The following TNIP3 variants were observed in gnomAD, a reference collection of about 807,000 sequenced individuals.
TNIP3 encodes TNFAIP3 interacting protein 3.
TNIP3 carries 34 observed loss-of-function variants against 54.1 expected under a neutral mutation model. That is an observed-to-expected ratio of 0.63 (90% CI 0.48 to 0.84). The LOEUF (loss-of-function observed/expected upper bound fraction) is 0.84. Ranked by LOEUF, TNIP3 falls within the 40% of genes least tolerant of loss-of-function variation. The probability of loss-of-function intolerance (pLI) is 0.00; values close to 1 mark genes in which losing one functional copy is unlikely to be tolerated. For synonymous variants in TNIP3, 134 were observed against 136.8 expected (o/e 0.98, Z 0.14); for missense variants, 366 against 387.6 (o/e 0.94, Z 0.47).
At chr4:121,213,738 A>C (rs1726615842) in intron 2 of TNIP3, among the ~76,000 whole-genome samples, 1 of 151,934 alleles carries the variant, frequency 6.6e-6, no homozygotes, top group African/African-American at 2.4e-5. Flanking sequence ...AAAAAAAAAA[A>C]AACAAAAAAA....
At chr4:121,162,129 T>C (rs1406971532) in intron 1 of TNIP3, among the ~76,000 whole-genome samples, 1 of 152,222 alleles carries the variant, frequency 6.6e-6, no homozygotes, top group Non-Finnish European at 1.5e-5. Flanking sequence ...AAGAAATATT[T>C]TCAAAACATG....
Position 121,161,174 on chromosome 4 carries a change from C to G in TNIP3, c.109G>C (p.Glu37Gln), listed in dbSNP as rs1162634517. The change falls in exon 2 of 11, where the codon GAA becomes CAA. Residue 37 changes from glutamate to glutamine, a missense_variant. By Grantham distance (29) the Glu-to-Gln change is conservative. Coordinates refer to ENST00000057513, the MANE Select transcript of TNIP3 (RefSeq NM_024873.6). ...STRKNLMNSL[E>Q]QKIRCLEKQR... ...TTTTCCAAACACCTTATCTTTTGTT[C>G]AAGAGAATTCATCAAGTTCTTTCTT... 3.2e-6 allele frequency: 5 copies of G among 1,586,522 alleles called. No individual in the cohort carries two copies. The highest frequency in any genetic ancestry group is 4.3e-6 in the Non-Finnish European group (5 of 1,163,640).
At chr4:121,205,631 C>G (rs1025423122) in intron 2 of TNIP3, among the ~76,000 whole-genome samples, 1 of 151,682 alleles carries the variant, frequency 6.6e-6, no homozygotes, top group Non-Finnish European at 1.5e-5. Flanking sequence ...GTGGTTTGGA[C>G]AGAATGGTAG....
intron 4 of TNIP3, 21 bp downstream of exon 4, chr4:121,157,073 G>A (rs745723821): frequency 1.9e-6 from 3 of 1,613,072 alleles, no homozygotes; most frequent in African/African-American, 1.3e-5. Flanking sequence ...CTCCGGGCTC[G>A]AGGACCCGGG....
chr4:121,214,316 A>G (rs1041151913), intron 2 of TNIP3, among the ~76,000 whole-genome samples: 6 of 152,262 alleles, frequency 3.9e-5, no homozygotes, highest in Non-Finnish European at 4.4e-5. Flanking sequence ...TTACTATTAA[A>G]GAACCTAACC....
At chr4:121,169,047 TC>T (rs577760967), upstream of TNIP3, among the ~76,000 whole-genome samples, 108 of 152,054 alleles carry the variant, frequency 7.1e-4, no homozygotes, top group African/African-American at 2.6e-3. Context: ...CACTCCCCCC[TC>T]CCCATTATTA....
At chr4:121,211,731 T>C (rs1726487984) in intron 2 of TNIP3, among the ~76,000 whole-genome samples, 1 of 152,230 alleles carries the variant, frequency 6.6e-6, no homozygotes, top group Admixed American at 6.5e-5. Context: ...AGGGTCTGTA[T>C]ATTGAATTAT....
upstream of TNIP3, among the ~76,000 whole-genome samples, chr4:121,168,273 C>CA (rs1730875123): frequency 6.6e-6 from 1 of 152,082 alleles, no homozygotes; most frequent in African/African-American, 2.4e-5. Flanking sequence ...GTGGCACAAT[C>CA]TCGCCTCACT....
chr4:121,164,879 G>T (rs78670187), upstream of TNIP3, among the ~76,000 whole-genome samples: 7,836 of 152,028 alleles, frequency 0.052, 317 homozygotes, highest in African/African-American at 0.11. Context: ...CTCATTTGAA[G>T]TGAAATCTTC....
chr4:121,171,078 A>G (rs527467952), intron 3 of TNIP3, among the ~76,000 whole-genome samples: 40 of 152,268 alleles, frequency 2.6e-4, no homozygotes, highest in African/African-American at 9.4e-4. Flanking sequence ...GGTCTCCCAA[A>G]GTGCTGAGAT....
intron 2 of TNIP3, among the ~76,000 whole-genome samples, chr4:121,203,315 G>T (rs113943102): frequency 6.6e-6 from 1 of 152,018 alleles, no homozygotes; most frequent in Admixed American, 6.6e-5. Context: ...AATGGCATTC[G>T]CAGCAGCCTG....
rs1032827677 is a variant in TNIP3 at position 121,181,090 on chromosome 4, C to A, written c.189+1586G>T. Among the ~76,000 whole-genome samples the A allele has an allele frequency of 2.0e-5, 3 of 152,120 alleles. No individual in the cohort carries two copies. The South Asian group carries it at 6.2e-4, about 32-fold the overall frequency. Reference sequence around the variant, plus strand: ...ATTTCAGTGAAGTCCCAAAAGGAGACATAACCTGTAGCTAAGAGGAAGGTA... The same window carrying A: ...ATTTCAGTGAAGTCCCAAAAGGAGAAATAACCTGTAGCTAAGAGGAAGGTA... On this transcript the variant is annotated intron_variant, in intron 3 of 12. Transcript: ENST00000507879.
chr4:121,181,206 G>T (rs941553199), intron 3 of TNIP3, among the ~76,000 whole-genome samples: 25 of 152,306 alleles, frequency 1.6e-4, no homozygotes, highest in African/African-American at 5.8e-4. Context: ...TGAGCAAATA[G>T]GTCTTAGAAG....
chr4:121,205,897 G>T (rs1215063968), intron 2 of TNIP3, among the ~76,000 whole-genome samples: 1 of 152,126 alleles, frequency 6.6e-6, no homozygotes, highest in Non-Finnish European at 1.5e-5. Flanking sequence ...GGCTGGAAAG[G>T]CCTCAGAAAA....
chr4:121,142,037 A>G, intron 8 of TNIP3, 123 bp from the exon 9 acceptor site: 1 of 551,988 alleles, frequency 1.8e-6, no homozygotes, highest in Non-Finnish European at 3.1e-6. Flanking sequence ...CATAATTATA[A>G]CTCAAAATAG....
At chr4:121,199,885 G>T (rs1399793387) in intron 2 of TNIP3, among the ~76,000 whole-genome samples, 1 of 152,200 alleles carries the variant, frequency 6.6e-6, no homozygotes, top group Non-Finnish European at 1.5e-5. Flanking sequence ...TAGGAGCGAA[G>T]GCTGGGATAC....
chr4:121,196,232 T>C (rs931765949), intron 2 of TNIP3, among the ~76,000 whole-genome samples: 4 of 152,206 alleles, frequency 2.6e-5, no homozygotes, highest in African/African-American at 9.6e-5. Flanking sequence ...TCTACAATAC[T>C]TTCTTTTTAT....
intron 6 of TNIP3, among the ~76,000 whole-genome samples, chr4:121,149,395 G>A (rs1339059636): frequency 1.3e-5 from 2 of 152,210 alleles, no homozygotes; most frequent in Admixed American, 6.5e-5. Context: ...AGGCCTAGAG[G>A]CTAGCAACTA....
chr4:121,146,155 A>C (rs1327245535), intron 7 of TNIP3, among the ~76,000 whole-genome samples: 1 of 152,108 alleles, frequency 6.6e-6, no homozygotes, highest in Non-Finnish European at 1.5e-5. Context: ...TCTTACAGAG[A>C]AAATGGTTCT....
Sources: allele counts gnomAD v4.1 joint callset (sites outside exome capture counted in the v4.1 genomes callset), GRCh38; gene constraint gnomAD v4.1.1; transcripts MANE v1.5; gene names NCBI Gene and HGNC (gene_info 2026-07-23, HGNC 2026-07-21).